The following CDH12 variants were observed in gnomAD, a reference collection of about 807,000 sequenced individuals.
The protein encoded by CDH12 is cadherin-12.
A neutral mutation model predicts 74.1 loss-of-function variants in CDH12; 41 were observed. The ratio of observed to expected loss-of-function variants is 0.55; its 90% confidence interval spans 0.43 to 0.72. The LOEUF is 0.72. CDH12 is among the 30% of genes least tolerant of loss of function. The pLI is 0.00. For synonymous variants in CDH12, 399 were observed against 355.0 expected (o/e 1.12, Z -1.39); for missense variants, 945 against 977.2 (o/e 0.97, Z 0.44).
chr5:22,181,401 C>G, intron 4 of CDH12, among the ~76,000 whole-genome samples: 1 of 152,154 alleles, frequency 6.6e-6, no homozygotes, highest in African/African-American at 2.4e-5. Flanking sequence ...TCTCCTTAGA[C>G]ATCTCATCTT....
chr5:21,880,612 CTTCCTTCTTTCT>C (rs1561268327), intron 6 of CDH12, among the ~76,000 whole-genome samples: 53 of 69,876 alleles, frequency 7.6e-4, no homozygotes, highest in African/African-American at 2.1e-3. Context: ...TCCTTCCTTC[CTTCCTTCTTTCT>C]TTCTTTCTTT....
intron 1 of CDH12, among the ~76,000 whole-genome samples, chr5:22,732,822 C>CA (rs1214028830): frequency 2.0e-5 from 3 of 151,864 alleles, no homozygotes; most frequent in African/African-American, 7.3e-5. Context: ...ACCTTGGTCA[C>CA]AGACTTCCTG....
intron 3 of CDH12, among the ~76,000 whole-genome samples, chr5:22,333,378 A>T (rs1739429391): frequency 6.6e-6 from 1 of 151,976 alleles, no homozygotes; most frequent in African/African-American, 2.4e-5. Flanking sequence ...GAGGCTTAAA[A>T]CCTAGATGAT....
chr5:21,988,127 C>A (rs1432017213), intron 5 of CDH12, among the ~76,000 whole-genome samples: 2 of 152,064 alleles, frequency 1.3e-5, no homozygotes, highest in Non-Finnish European at 2.9e-5. Context: ...GAAAACTACT[C>A]CCCTCCTCCC....
chr5:22,087,071 C>A (rs996330753), intron 4 of CDH12, among the ~76,000 whole-genome samples: 2 of 151,944 alleles, frequency 1.3e-5, no homozygotes, highest in African/African-American at 4.8e-5. Flanking sequence ...ACTGTCAAAG[C>A]CAAGAGGAGC....
intron 1 of CDH12, among the ~76,000 whole-genome samples, chr5:22,726,619 TTTG>T (rs1744176700): frequency 6.6e-6 from 1 of 151,858 alleles, no homozygotes; most frequent in Non-Finnish European, 1.5e-5. Context: ...CCAGGCAGCA[TTTG>T]TTGTTGTTAC....
intron 1 of CDH12, among the ~76,000 whole-genome samples, chr5:22,833,630 C>T (rs1385764993): frequency 1.3e-5 from 2 of 152,076 alleles, no homozygotes; most frequent in South Asian, 4.1e-4. Context: ...GTCATGGTTT[C>T]TTTTCTTTGT....
intron 2 of CDH12, among the ~76,000 whole-genome samples, chr5:22,457,990 G>T (rs182255978): frequency 9.2e-4 from 140 of 151,904 alleles, no homozygotes; most frequent in African/African-American, 2.8e-3. Context: ...TGATCCACCC[G>T]CCTCGGCCTC....
intron 11 of CDH12, among the ~76,000 whole-genome samples, chr5:21,770,872 A>G (rs1745287302): frequency 6.6e-6 from 1 of 152,148 alleles, no homozygotes; most frequent in African/African-American, 2.4e-5. Context: ...ATGGAATACT[A>G]TGGGGCCATA....
At chr5:22,605,633 C>G (rs964720572) in intron 1 of CDH12, among the ~76,000 whole-genome samples, 6 of 152,188 alleles carry the variant, frequency 3.9e-5, no homozygotes, top group Admixed American at 3.9e-4. Context: ...CAGGTGCATC[C>G]CATCCCCAGC....
chr5:22,774,522 T>TG (rs1390805635), intron 1 of CDH12, among the ~76,000 whole-genome samples: 1 of 152,192 alleles, frequency 6.6e-6, no homozygotes, highest in South Asian at 2.1e-4. Flanking sequence ...AATTGAATCA[T>TG]GGGGGGCAAG....
At chr5:22,469,989 G>A (rs554527526) in intron 2 of CDH12, among the ~76,000 whole-genome samples, 158 of 151,908 alleles carry the variant, frequency 1.0e-3, no homozygotes, top group African/African-American at 3.5e-3. Flanking sequence ...TCTTCTTTTT[G>A]GGAAAATATC....
At chr5:22,836,217 C>CTTTTTT (rs1561065915) in intron 1 of CDH12, among the ~76,000 whole-genome samples, 5 of 20,462 alleles carry the variant, frequency 2.4e-4, no homozygotes, top group Non-Finnish European at 4.7e-4. Flanking sequence ...TTTTTTCTTT[C>CTTTTTT]TTTCTCTTTT....
At chr5:22,086,959 T>A (rs1743108274) in intron 4 of CDH12, among the ~76,000 whole-genome samples, 1 of 152,118 alleles carries the variant, frequency 6.6e-6, no homozygotes, top group Non-Finnish European at 1.5e-5. Context: ...ATAACCCCAT[T>A]CTAATCATAA....
intron 1 of CDH12, among the ~76,000 whole-genome samples, chr5:22,772,839 A>G (rs561575924): frequency 6.6e-6 from 1 of 152,204 alleles, no homozygotes; most frequent in East Asian, 1.9e-4. Flanking sequence ...GACTATGAAA[A>G]TACTAGCACT....
chr5:21,766,621 T>C (rs976786763), intron 11 of CDH12, among the ~76,000 whole-genome samples: 8 of 151,946 alleles, frequency 5.3e-5, no homozygotes, highest in African/African-American at 1.9e-4. Context: ...TTACCATTTA[T>C]ACTTTGTGGA....
chr5:22,229,330 T>A (rs181517123), intron 3 of CDH12, among the ~76,000 whole-genome samples: 1 of 138,578 alleles, frequency 7.2e-6, no homozygotes, highest in Non-Finnish European at 1.5e-5. Context: ...CAAGTACATA[T>A]GCAATTTACT....
intron 1 of CDH12, among the ~76,000 whole-genome samples, chr5:22,765,950 G>A (rs1746488741): frequency 1.3e-5 from 2 of 151,824 alleles, no homozygotes; most frequent in Admixed American, 6.6e-5. Flanking sequence ...GGTTAATGAA[G>A]TTGAAAAATG....
chr5:21,982,592 C>G (rs941654497), intron 5 of CDH12, among the ~76,000 whole-genome samples: 1 of 151,232 alleles, frequency 6.6e-6, no homozygotes, highest in African/African-American at 2.4e-5. Context: ...ATAGAGAGAT[C>G]TCTCTAAATA....
Sources: gnomAD v4.1 joint callset for allele counts (sites outside exome capture counted in the v4.1 genomes callset) on GRCh38, gnomAD v4.1.1 for gene constraint, MANE v1.5 for transcripts, NCBI Gene and HGNC (gene_info 2026-07-23, HGNC 2026-07-21) for gene names.